ADCY8: variants seen among roughly 807,000 people sequenced by gnomAD.
ADCY8 encodes adenylate cyclase 8.
In ADCY8, 51 loss-of-function variants were observed where a neutral mutation model predicts 119.7. The observed-to-expected ratio is 0.43, with a 90% confidence interval of 0.34 to 0.54. The LOEUF (loss-of-function observed/expected upper bound fraction) is 0.54. ADCY8 is among the 20% of genes least tolerant of loss of function. The pLI is 0.03. For missense variants in ADCY8, 1,383 were observed against 1,598.8 expected (o/e 0.87, Z 2.30); for synonymous variants, 665 against 651.0 (o/e 1.02, Z -0.33).
At chr8:130,854,878 T>C (rs909859007) in intron 9 of ADCY8, among the ~76,000 whole-genome samples, 19 of 132,640 alleles carry the variant, frequency 1.4e-4, no homozygotes, top group Non-Finnish European at 2.9e-4. Flanking sequence ...CTACCTCTCT[T>C]TCTTTTCCCT....
chr8:130,807,138 C>T (rs865912155), intron 14 of ADCY8, among the ~76,000 whole-genome samples: 7 of 152,204 alleles, frequency 4.6e-5, no homozygotes, highest in Non-Finnish European at 8.8e-5. Context: ...TGCGCTCCGT[C>T]GCACACCTGC....
At chr8:130,906,048 C>T (rs1442696960) in intron 6 of ADCY8, among the ~76,000 whole-genome samples, 2 of 152,212 alleles carry the variant, frequency 1.3e-5, no homozygotes, top group African/African-American at 4.8e-5. Context: ...ATGTTCTCCA[C>T]ATCTTCCACA....
chr8:130,955,310 T>C (rs949603475), intron 2 of ADCY8, among the ~76,000 whole-genome samples: 1 of 152,084 alleles, frequency 6.6e-6, no homozygotes, highest in Non-Finnish European at 1.5e-5. Context: ...GATGAACAAC[T>C]GAGAAAATGA....
intron 5 of ADCY8, among the ~76,000 whole-genome samples, chr8:130,916,947 C>A (rs1162961537): frequency 6.6e-6 from 1 of 152,214 alleles, no homozygotes; most frequent in Non-Finnish European, 1.5e-5. Flanking sequence ...TCTAGCACCA[C>A]TGGGTTAAGG....
chr8:131,038,973 A>G (rs557430269), intron 1 of ADCY8, among the ~76,000 whole-genome samples: 14 of 152,128 alleles, frequency 9.2e-5, no homozygotes, highest in African/African-American at 3.4e-4. Flanking sequence ...CTGCTACAAC[A>G]CCCTGCTGCG....
At chr8:130,990,609 CAAAT>C (rs1480330525) in intron 1 of ADCY8, 67 bp from the exon 2 acceptor site, 88 of 1,559,972 alleles carry the variant, frequency 5.6e-5, no homozygotes, top group Admixed American at 4.7e-4. Flanking sequence ...ATAAAATACA[CAAAT>C]AAATATGAAT....
intron 2 of ADCY8, among the ~76,000 whole-genome samples, chr8:130,985,909 A>G (rs1330523370): frequency 1.3e-5 from 2 of 152,210 alleles, no homozygotes; most frequent in South Asian, 4.1e-4. Flanking sequence ...AACATATGGT[A>G]TCATCAGAAA....
intron 1 of ADCY8, among the ~76,000 whole-genome samples, chr8:131,019,414 C>A (rs11784418): frequency 6.6e-6 from 1 of 152,240 alleles, no homozygotes; most frequent in South Asian, 2.1e-4. Flanking sequence ...ATTGGAGTTA[C>A]AATTTGGCAG....
chr8:130,793,809 A>G (rs1815496656), intron 15 of ADCY8, among the ~76,000 whole-genome samples: 1 of 152,206 alleles, frequency 6.6e-6, no homozygotes, highest in Non-Finnish European at 1.5e-5. Context: ...TTCCTTTTAA[A>G]CAAACTTACA....
intron 14 of ADCY8, 36 bp downstream of exon 14, chr8:130,814,033 A>G: frequency 6.2e-7 from 1 of 1,611,774 alleles, no homozygotes; most frequent in Non-Finnish European, 8.5e-7. Flanking sequence ...ACCCACCACC[A>G]CCCTTTCTCA....
At chr8:130,890,663 G>T (rs958903288) in intron 7 of ADCY8, among the ~76,000 whole-genome samples, 9 of 152,224 alleles carry the variant, frequency 5.9e-5, no homozygotes, top group Admixed American at 5.2e-4. Flanking sequence ...AGACTTTTGG[G>T]ATCCAGAGAA....
intron 6 of ADCY8, among the ~76,000 whole-genome samples, chr8:130,906,015 A>G (rs932232737): frequency 6.6e-6 from 1 of 152,240 alleles, no homozygotes; most frequent in Non-Finnish European, 1.5e-5. Context: ...CAGAAACTAC[A>G]AACAAATCAT....
At position 130,997,226 on chromosome 8, in the gene ADCY8, A is replaced by AAT. The variant is rs529207726; in HGVS notation, c.961-6686_961-6685dup. ...GATTCTAATGCTTAAAATATGAAGA[A>AAT]ATATATATATACATATACATATATA... On this transcript the variant is annotated intron_variant, in intron 1 of 17. Transcript: ENST00000286355. Among the ~76,000 whole-genome samples the AAT allele has an allele frequency of 6.0e-5, 9 of 150,720 alleles. No individual in the cohort carries two copies. In the East Asian group the frequency reaches 7.8e-4, roughly 13 times the overall value.
intron 12 of ADCY8, among the ~76,000 whole-genome samples, chr8:130,834,390 A>T (rs1816924532): frequency 6.6e-6 from 1 of 152,206 alleles, no homozygotes; most frequent in African/African-American, 2.4e-5. Context: ...CAAATATTTT[A>T]AAAATCTAAC....
chr8:130,792,461 A>T (rs1488941514), intron 15 of ADCY8, among the ~76,000 whole-genome samples: 1 of 152,112 alleles, frequency 6.6e-6, no homozygotes, highest in Non-Finnish European at 1.5e-5. Flanking sequence ...TGCTTACATG[A>T]TGTCTTCATT....
chr8:130,883,863 A>G (rs372578421), intron 8 of ADCY8, among the ~76,000 whole-genome samples: 2 of 152,306 alleles, frequency 1.3e-5, no homozygotes, highest in East Asian at 3.9e-4. Context: ...GATAGCTGCC[A>G]TCCTTGAACA....
intron 1 of ADCY8, among the ~76,000 whole-genome samples, chr8:131,014,032 G>A (rs923587226): frequency 6.6e-6 from 1 of 152,176 alleles, no homozygotes; most frequent in Non-Finnish European, 1.5e-5. Context: ...GACTTCACAT[G>A]AAATAACTTT....
chr8:130,854,100 A>G (rs566176990), intron 9 of ADCY8, among the ~76,000 whole-genome samples: 22 of 152,332 alleles, frequency 1.4e-4, no homozygotes, highest in African/African-American at 5.1e-4. Flanking sequence ...TGTGTATTAC[A>G]TTTCTCTGGA....
intron 6 of ADCY8, among the ~76,000 whole-genome samples, chr8:130,907,695 C>A (rs1033879121): frequency 6.6e-6 from 1 of 152,202 alleles, no homozygotes; most frequent in African/African-American, 2.4e-5. Context: ...GATTTAAACT[C>A]AGTCACTTTT....
Sources: gnomAD v4.1 joint callset for allele counts (sites outside exome capture counted in the v4.1 genomes callset) on GRCh38, gnomAD v4.1.1 for gene constraint, MANE v1.5 for transcripts, NCBI Gene and HGNC (gene_info 2026-07-23, HGNC 2026-07-21) for gene names.